The following POU2AF1 variants were observed in gnomAD, a reference collection of about 807,000 sequenced individuals.
The protein encoded by POU2AF1 is POU class 2 homeobox associating factor 1, also known as POU domain class 2-associating factor 1.
Under a neutral mutation model 26.3 loss-of-function variants are expected in POU2AF1, and 12 were observed. The ratio of observed to expected loss-of-function variants is 0.46; its 90% CI spans 0.29 to 0.74. The LOEUF is 0.74. POU2AF1 is among the 30% of genes least tolerant of loss of function. POU2AF1 has a pLI of 0.09. For synonymous variants in POU2AF1, 175 were observed against 148.0 expected (o/e 1.18, Z -1.32); for missense variants, 297 against 334.5 (o/e 0.89, Z 0.87).
chr11:111,354,448 G>T lies in POU2AF1; in HGVS notation c.584C>A (p.Pro195His). The change falls in exon 5 of 5, where the codon CCT (proline) becomes CAT (histidine). Residue 195 changes from proline (P) to histidine (H), a missense_variant. By Grantham distance (77) the Pro-to-His change is moderately conservative. Coordinates refer to ENST00000393067, the MANE Select transcript of POU2AF1 (RefSeq NM_006235.3). The part of the protein sequence containing the change: ...TLPTSTLQYQ[P>H]PAPALPGPQF... ...GGGCCCAGGTAGGGCTGGGGCCGGA[G>T]GCTGGTACTGCAGGGTGGAGGTGGG... is the stretch of plus-strand genomic sequence containing the variant. The T allele has an allele frequency of 1.2e-6, 2 of 1,614,008 alleles. No homozygotes were observed. Among genetic ancestry groups the T allele is most frequent in the Non-Finnish European group, 1.7e-6 (2 of 1,179,946 alleles).
Position 111,357,476 on chromosome 11 carries a change from T to C in POU2AF1, c.425A>G (p.Tyr142Cys), listed in dbSNP as rs765876561. The C allele has an allele frequency of 1.9e-6, 3 of 1,614,050 alleles. No individual in the cohort carries two copies. The highest frequency in any genetic ancestry group is 1.7e-6 in the Non-Finnish European group (2 of 1,180,000). The change falls in exon 4 of 5, where the codon TAT becomes TGT. Residue 142 changes from tyrosine to cysteine, a missense_variant. Physicochemically the swap from Tyr to Cys is radical, Grantham distance 194 (BLOSUM62 -2). Transcript: ENST00000393067. ...ATTGGTGATGAGTGGCGGAGAGGCA[T>C]AGGTCAACACTGAGGAGGGCCCCAC... Reference protein sequence around the residue: ...TVVGPSSVLTYASPPLITNVT... With the variant: ...TVVGPSSVLTCASPPLITNVT...
intron 1 of POU2AF1, among the ~76,000 whole-genome samples, chr11:111,370,920 A>G (rs1294384005): frequency 6.6e-6 from 1 of 152,230 alleles, no homozygotes; most frequent in Non-Finnish European, 1.5e-5. Flanking sequence ...GCTGGAAATA[A>G]TTCCATTATT....
chr11:111,379,102 G>C (rs1802740667), intron 1 of POU2AF1, 60 bp downstream of exon 1: 1 of 1,608,026 alleles, frequency 6.2e-7, no homozygotes, highest in African/African-American at 1.3e-5. Context: ...AGACCAAGCT[G>C]TGATCGCCCT....
chr11:111,361,401 C>T (rs1861005704), intron 1 of POU2AF1, among the ~76,000 whole-genome samples: 2 of 152,206 alleles, frequency 1.3e-5, no homozygotes, highest in South Asian at 2.1e-4. Context: ...TCTGGGCTGT[C>T]ACTTACTGGT....
At chr11:111,379,024 C>T in intron 1 of POU2AF1, 138 bp downstream of exon 1, 1 of 560,730 alleles carries the variant, frequency 1.8e-6, no homozygotes, top group Non-Finnish European at 3.1e-6. Flanking sequence ...CCTCCCTGCT[C>T]CGGGGCTTGG....
chr11:111,357,995 C>T (rs1181764118), intron 2 of POU2AF1, among the ~76,000 whole-genome samples, 158 bp from the exon 3 acceptor site: 1 of 152,164 alleles, frequency 6.6e-6, no homozygotes, highest in Non-Finnish European at 1.5e-5. Flanking sequence ...CCATCACCAC[C>T]TACACTTGAG....
intron 4 of POU2AF1, among the ~76,000 whole-genome samples, chr11:111,356,793 C>G (rs1165226351): frequency 6.6e-6 from 1 of 152,148 alleles, no homozygotes; most frequent in East Asian, 1.9e-4. Context: ...CTCATTATTT[C>G]ATTTGATCCT....
intron 4 of POU2AF1, among the ~76,000 whole-genome samples, chr11:111,356,018 C>A (rs1484588873): frequency 6.6e-6 from 1 of 152,218 alleles, no homozygotes; most frequent in Non-Finnish European, 1.5e-5. Context: ...CACAGCAGGT[C>A]TTATCTCTGC....
chr11:111,360,942 C>CA (rs200008065), intron 1 of POU2AF1, among the ~76,000 whole-genome samples: 8,321 of 86,568 alleles, frequency 0.096, 349 homozygotes, highest in African/African-American at 0.16. Flanking sequence ...GACTCTGTCT[C>CA]AAAAAAAAAA....
chr11:111,364,032 T>C, intron 1 of POU2AF1: 2 of 976,374 alleles, frequency 2.0e-6, no homozygotes, highest in Non-Finnish European at 2.4e-6. Context: ...AAAAAAATCA[T>C]TTACAGAAAA....
rs1035972000 is a variant in POU2AF1, at chr11:111,353,463, T to G, written c.*798A>C. ...GTCCCCACCCACCCTGATGTTCTTT[T>G]CTCCCTGCCACCCACTTCCCACCCC... On this transcript the variant is annotated 3_prime_UTR_variant, in exon 5 of 5. Coordinates refer to ENST00000393067, the MANE Select transcript of POU2AF1 (RefSeq NM_006235.3). 2 of 233,570 alleles carry G rather than the reference T, an allele frequency of 8.6e-6. No homozygotes were observed. Among genetic ancestry groups the G allele is most frequent in the Non-Finnish European group, 1.7e-5 (2 of 118,408 alleles). 14.5% of individuals were successfully genotyped at this position (233,570 alleles called of 1,614,324 possible).
intron 1 of POU2AF1, among the ~76,000 whole-genome samples, chr11:111,364,848 C>A (rs904100739): frequency 3.9e-5 from 6 of 152,238 alleles, no homozygotes; most frequent in African/African-American, 1.4e-4. Context: ...AGGAATGTAC[C>A]TTTCCTTATT....
In POU2AF1 at chr11:111,371,401, ACACT is replaced by A. The variant is rs559270053; in HGVS notation, c.16+7757_16+7760del. ...CATTCTGCTCACAACTAGATTACAA[ACACT>A]CAGTCCAATCTTGTGAATTAAAAAA... On this transcript the variant is annotated intron_variant, in intron 1 of 4. Coordinates refer to ENST00000393067, the MANE Select transcript of POU2AF1 (RefSeq NM_006235.3). 5.9e-5 allele frequency among the ~76,000 whole-genome samples: 9 copies of A among 152,300 alleles called. No homozygotes were observed. In the South Asian group the frequency reaches 1.2e-3, roughly 21 times the overall value.
intron 1 of POU2AF1, chr11:111,377,659 G>A (rs2135144015): frequency 5.8e-6 from 1 of 171,220 alleles, no homozygotes; most frequent in Middle Eastern, 2.5e-3. Context: ...CTCATAGAAG[G>A]TAGGAGCTGA....
chr11:111,361,107 G>T (rs539459188), intron 1 of POU2AF1, among the ~76,000 whole-genome samples: 28 of 152,090 alleles, frequency 1.8e-4, no homozygotes, highest in Non-Finnish European at 3.7e-4. Flanking sequence ...GATCTCTACT[G>T]GTATTCATTC....
chr11:111,375,253 T>C (rs2135140671), intron 1 of POU2AF1, among the ~76,000 whole-genome samples: 1 of 152,326 alleles, frequency 6.6e-6, no homozygotes, highest in South Asian at 2.1e-4. Flanking sequence ...TTCAGTTTAT[T>C]ATACACAGTT....
At chr11:111,358,328 T>A (rs1456185099) in intron 2 of POU2AF1, among the ~76,000 whole-genome samples, 16 of 120,018 alleles carry the variant, frequency 1.3e-4, no homozygotes, top group Admixed American at 2.7e-4. Flanking sequence ...ACGTACTCTC[T>A]CACACACTCT....
chr11:111,376,065 T>C (rs1861305417), intron 1 of POU2AF1, among the ~76,000 whole-genome samples: 1 of 152,244 alleles, frequency 6.6e-6, no homozygotes, highest in South Asian at 2.1e-4. Flanking sequence ...AAAGAATATA[T>C]GAATTTAACA....
intron 1 of POU2AF1, among the ~76,000 whole-genome samples, chr11:111,371,079 C>A (rs1268264904): frequency 6.6e-6 from 1 of 152,198 alleles, no homozygotes; most frequent in Non-Finnish European, 1.5e-5. Flanking sequence ...CTCTTCTTTT[C>A]TTTCCTTTCT....
Sources: gnomAD v4.1 joint callset for allele counts (sites outside exome capture counted in the v4.1 genomes callset) on GRCh38, gnomAD v4.1.1 for gene constraint, MANE v1.5 for transcripts, NCBI Gene and HGNC (gene_info 2026-07-23, HGNC 2026-07-21) for gene names.